Variants in RAP1GDS1 observed in about 807,000 individuals in gnomAD.
RAP1GDS1 encodes Rap1 GTPase-GDP dissociation stimulator 1, also known as RAP1, GTP-GDP dissociation stimulator 1.
RAP1GDS1 carries 35 observed loss-of-function variants against 71.1 expected under a neutral mutation model. The ratio of observed to expected loss-of-function variants is 0.49; its 90% CI spans 0.38 to 0.65. RAP1GDS1 has a LOEUF of 0.65. Ranked by LOEUF, RAP1GDS1 falls within the 30% of genes least tolerant of loss-of-function variation. The pLI is 0.00. For synonymous variants in RAP1GDS1, 229 were observed against 243.1 expected (o/e 0.94, Z 0.54); for missense variants, 663 against 706.1 (o/e 0.94, Z 0.69).
intron 4 of RAP1GDS1, among the ~76,000 whole-genome samples, chr4:98,358,725 A>G (rs1435126837): frequency 6.6e-6 from 1 of 152,054 alleles, no homozygotes; most frequent in African/African-American, 2.4e-5. Flanking sequence ...GCTTAGAACC[A>G]TACATGCCCA....
intron 2 of RAP1GDS1, among the ~76,000 whole-genome samples, chr4:98,306,685 C>A (rs527589199): frequency 3.7e-4 from 57 of 152,188 alleles, no homozygotes; most frequent in African/African-American, 1.3e-3. Flanking sequence ...AAGAAAATAG[C>A]TTTAAGTAAT....
At chr4:98,428,971 C>T (rs769535239) in intron 12 of RAP1GDS1, among the ~76,000 whole-genome samples, 1 of 152,066 alleles carries the variant, frequency 6.6e-6, no homozygotes, top group Non-Finnish European at 1.5e-5. Context: ...AATAAAGAAA[C>T]TATGGGGCCA....
intron 1 of RAP1GDS1, among the ~76,000 whole-genome samples, chr4:98,266,151 A>G (rs1722692863): frequency 1.3e-5 from 2 of 152,128 alleles, no homozygotes; most frequent in Non-Finnish European, 2.9e-5. Flanking sequence ...TACATTTTAC[A>G]TGGAAGGACA....
In RAP1GDS1 at chr4:98,295,670, A is replaced by G. The variant is rs1271507199; in HGVS notation, c.112+2155A>G. On this transcript the variant is annotated intron_variant, in intron 2 of 14. Transcript: ENST00000408927. ...TACAAAATAAAAAATTGTAATCTGA[A>G]TAAAGTGAAGCTTTTTGCTGAGTTC... Among the ~76,000 whole-genome samples, 3 of 152,128 alleles carry G rather than the reference A, an allele frequency of 2.0e-5. No individual in the cohort carries two copies. In the East Asian group the frequency reaches 5.8e-4, roughly 29 times the overall value.
intron 10 of RAP1GDS1, 96 bp from the exon 11 acceptor site, chr4:98,419,923 T>G: frequency 8.4e-7 from 1 of 1,193,392 alleles, no homozygotes; most frequent in Non-Finnish European, 1.1e-6. Context: ...AAATAAAACA[T>G]GGATCTTAAA....
intron 5 of RAP1GDS1, among the ~76,000 whole-genome samples, chr4:98,384,687 C>T (rs1294763957): frequency 6.6e-6 from 1 of 151,620 alleles, no homozygotes; most frequent in East Asian, 1.9e-4. Flanking sequence ...TCTAATTCCA[C>T]ATGATCAAGT....
At chr4:98,424,027 C>G (rs895009779) in intron 12 of RAP1GDS1, among the ~76,000 whole-genome samples, 1 of 151,876 alleles carries the variant, frequency 6.6e-6, no homozygotes, top group Non-Finnish European at 1.5e-5. Context: ...CTAGAAGCAG[C>G]GAGGATGGAA....
rs1222467961 is a variant in RAP1GDS1 at position 98,304,686 on chromosome 4, T to C, written c.112+11171T>C. Among the ~76,000 whole-genome samples, 3 of 152,224 alleles carry C rather than the reference T, an allele frequency of 2.0e-5. No homozygotes were observed. In the East Asian group the frequency reaches 5.8e-4, roughly 29 times the overall value. On this transcript the variant is annotated intron_variant, in intron 2 of 14. Coordinates refer to ENST00000408927, the MANE Select transcript of RAP1GDS1 (RefSeq NM_001100427.2). ...GTAGTTTCTTTTGCTGCGCAAAAGC[T>C]CTTTAGTTTAATTAGATCCCATTTG...
intron 1 of RAP1GDS1, among the ~76,000 whole-genome samples, chr4:98,281,386 A>T (rs1725071590): frequency 6.6e-6 from 1 of 151,778 alleles, no homozygotes; most frequent in Non-Finnish European, 1.5e-5. Context: ...TGTGAATGGG[A>T]GTTCACTCAT....
intron 3 of RAP1GDS1, among the ~76,000 whole-genome samples, chr4:98,344,302 T>A (rs1172752568): frequency 1.3e-5 from 2 of 152,182 alleles, no homozygotes; most frequent in African/African-American, 4.8e-5. Context: ...TTCCAGACAT[T>A]GCTTGTTAAC....
intron 1 of RAP1GDS1, among the ~76,000 whole-genome samples, chr4:98,286,886 TAAAAAAAA>T (rs778410316): frequency 2.2e-5 from 2 of 90,156 alleles, no homozygotes; most frequent in South Asian, 3.8e-4. Context: ...AACTCCGTCT[TAAAAAAAA>T]AAAAAAAAAA....
At chr4:98,288,603 C>T (rs993985311) in intron 1 of RAP1GDS1, among the ~76,000 whole-genome samples, 4 of 152,182 alleles carry the variant, frequency 2.6e-5, no homozygotes, top group Non-Finnish European at 5.9e-5. Flanking sequence ...TGAGGAATCA[C>T]CACACTGACT....
chr4:98,413,488 C>T (rs1188405933), intron 7 of RAP1GDS1, among the ~76,000 whole-genome samples: 14 of 151,868 alleles, frequency 9.2e-5, no homozygotes, highest in African/African-American at 9.7e-5. Flanking sequence ...TTTGTTCTTG[C>T]GATAGTTTAC....
chr4:98,296,491 A>C (rs1374069393), intron 2 of RAP1GDS1, among the ~76,000 whole-genome samples: 2 of 152,126 alleles, frequency 1.3e-5, no homozygotes. Context: ...TTTTATGAAA[A>C]CATTTTGTTT....
chr4:98,347,619 T>C (rs1283903077), intron 3 of RAP1GDS1, among the ~76,000 whole-genome samples: 2 of 152,212 alleles, frequency 1.3e-5, no homozygotes, highest in Non-Finnish European at 2.9e-5. Context: ...TCCACTAACG[T>C]TGATTTCTAT....
At chr4:98,439,855 G>C (rs564661814) in intron 14 of RAP1GDS1, among the ~76,000 whole-genome samples, 1 of 152,244 alleles carries the variant, frequency 6.6e-6, no homozygotes, top group South Asian at 2.1e-4. Flanking sequence ...AAAATTTACT[G>C]TTTTAACCAT....
chr4:98,270,651 A>T (rs574385372), intron 1 of RAP1GDS1, among the ~76,000 whole-genome samples: 2 of 152,322 alleles, frequency 1.3e-5, no homozygotes, highest in East Asian at 3.9e-4. Flanking sequence ...TTGAGCTCTT[A>T]GCTATGATTG....
chr4:98,293,621 G>A, intron 2 of RAP1GDS1, 106 bp downstream of exon 2: 1 of 760,492 alleles, frequency 1.3e-6, no homozygotes, highest in South Asian at 1.8e-5. Context: ...CATATAACTT[G>A]AATTCTTTTG....
At chr4:98,289,969 A>T (rs1423014958) in intron 1 of RAP1GDS1, among the ~76,000 whole-genome samples, 5 of 151,990 alleles carry the variant, frequency 3.3e-5, no homozygotes, top group African/African-American at 1.2e-4. Context: ...CTAGATAGTT[A>T]TGTGAAAATA....
Sources: gnomAD v4.1 joint callset for allele counts (sites outside exome capture counted in the v4.1 genomes callset) on GRCh38, gnomAD v4.1.1 for gene constraint, MANE v1.5 for transcripts, NCBI Gene and HGNC (gene_info 2026-07-23, HGNC 2026-07-21) for gene names.